The following F9 variants were observed in gnomAD, a reference collection of about 807,000 sequenced individuals.
F9 encodes Christmas factor.
A neutral mutation model predicts 34.1 loss-of-function variants in F9; 2 were observed. The observed-to-expected ratio is 0.06, with a 90% CI of 0.02 to 0.18. F9 has a LOEUF of 0.18. Ranked by LOEUF, F9 falls within the 10% of genes least tolerant of loss-of-function variation. F9 has a pLI of 1.00. For missense variants in F9, 216 were observed against 345.1 expected (o/e 0.63, Z 2.96); for synonymous variants, 137 against 118.8 (o/e 1.15, Z -1.00).
chrX:139,545,651 G>A (rs929889720), intron 4 of F9, among the ~76,000 whole-genome samples: 2 of 111,503 alleles, frequency 1.8e-5, no homozygotes, highest in African/African-American at 6.5e-5. Flanking sequence ...AAAGAAACTA[G>A]CAAAGCAATC....
rs139089559 is a variant in F9, at chrX:139,537,098, C to A, written c.177C>A (p.Asn59Lys). The A allele has an allele frequency of 2.0e-5, 24 of 1,208,922 alleles. No individual in the cohort carries two copies. The highest frequency in any genetic ancestry group is 8.7e-5 in the African/African-American group (5 of 57,173). The change falls in exon 2 of 8, where the codon AAC (asparagine) becomes AAA (lysine). Residue 59 changes from asparagine (N) to lysine (K), a missense_variant. Physicochemically the swap from Asn to Lys is moderately conservative, Grantham distance 94. Coordinates refer to ENST00000218099, the MANE Select transcript of F9 (RefSeq NM_000133.4). ...SGKLEEFVQG[N>K]LERECMEEKC... is the part of the protein sequence containing the mutation. The stretch of plus-strand genomic sequence containing the variant: ...AATTGGAAGAGTTTGTTCAAGGGAA[C>A]CTTGAGAGAGAATGTATGGAAGAAA...
chrX:139,536,340 A>G (rs1927476037), intron 1 of F9, among the ~76,000 whole-genome samples: 1 of 104,276 alleles, frequency 9.6e-6, no homozygotes, highest in Non-Finnish European at 2.0e-5. Flanking sequence ...AAGGAGAAAT[A>G]TGATTCAGAT....
At chrX:139,556,183 G>T (rs1927964505) in intron 6 of F9, among the ~76,000 whole-genome samples, 2 of 111,344 alleles carry the variant, frequency 1.8e-5, no homozygotes, top group Admixed American at 1.9e-4. Flanking sequence ...TAAAAAAAAA[G>T]AATACAATGG....
chrX:139,549,704 A>T lies in F9; in HGVS notation c.520+1213A>T, dbSNP rs187310547. ...GGTGGGCCAGGTGTTCCTTGCCCTC[A>T]TTCTGGTAAACCCACAACCTTCCAG... is the stretch of plus-strand genomic sequence containing the variant. On this transcript the variant is annotated intron_variant, in intron 5 of 7. Transcript: ENST00000218099. Among the ~76,000 whole-genome samples the T allele has an allele frequency of 4.0e-3, 450 of 112,375 alleles. 3 individuals carry two copies. Among genetic ancestry groups the T allele is most frequent in the Admixed American group, 8.1e-3 (86 of 10,598 alleles).
intron 1 of F9, among the ~76,000 whole-genome samples, chrX:139,535,735 A>G (rs969163443): frequency 9.0e-6 from 1 of 111,409 alleles, no homozygotes; most frequent in Non-Finnish European, 1.9e-5. Context: ...ACATATATGT[A>G]TATACATGAA....
intron 6 of F9, among the ~76,000 whole-genome samples, chrX:139,553,952 A>G (rs931968238): frequency 1.8e-5 from 2 of 109,858 alleles, no homozygotes; most frequent in Admixed American, 1.9e-4. Context: ...AAAGGGGAAC[A>G]GGGTATAAAG....
chrX:139,546,985 C>T (rs1001593179), intron 4 of F9, among the ~76,000 whole-genome samples: 4 of 111,285 alleles, frequency 3.6e-5, no homozygotes, highest in Non-Finnish European at 7.6e-5. Context: ...TATGGAAATG[C>T]AAAGAGCCAA....
chrX:139,555,596 G>A (rs1418573922), intron 6 of F9, among the ~76,000 whole-genome samples: 1 of 112,733 alleles, frequency 8.9e-6, no homozygotes, highest in Non-Finnish European at 1.9e-5. Context: ...TGAGGCCAAT[G>A]GAAGGAGGTA....
At chrX:139,552,055 G>T (rs745751857) in intron 6 of F9, among the ~76,000 whole-genome samples, 1 of 111,138 alleles carries the variant, frequency 9.0e-6, no homozygotes, top group Non-Finnish European at 1.9e-5. Context: ...TTAGCTAGGT[G>T]TGATGGCTCC....
chrX:139,548,261 G>T, intron 4 of F9, 102 bp from the exon 5 acceptor site: 1 of 906,006 alleles, frequency 1.1e-6, no homozygotes. Flanking sequence ...CAACATGAAT[G>T]CCCCCAATGT....
chrX:139,556,466 T>C (rs1006229478), intron 6 of F9, among the ~76,000 whole-genome samples: 3 of 112,026 alleles, frequency 2.7e-5, no homozygotes, highest in African/African-American at 9.7e-5. Context: ...TCTGTTCGAT[T>C]AGGACACATC....
intron 6 of F9, among the ~76,000 whole-genome samples, chrX:139,560,521 C>G (rs1201880401): frequency 8.9e-6 from 1 of 112,178 alleles, no homozygotes; most frequent in Non-Finnish European, 1.9e-5. Context: ...GCTTCCCTGT[C>G]TCTCATTGTG....
intron 3 of F9, among the ~76,000 whole-genome samples, chrX:139,537,832 G>A (rs4149682): frequency 0.014 from 1,566 of 110,159 alleles, 26 homozygotes; most frequent in African/African-American, 0.05. Flanking sequence ...TTCTCTCCTC[G>A]CACACTGGGC....
intron 6 of F9, among the ~76,000 whole-genome samples, chrX:139,554,504 A>C (rs1349674738): frequency 3.6e-5 from 4 of 112,571 alleles, no homozygotes; most frequent in African/African-American, 1.3e-4. Flanking sequence ...AATATGAGAT[A>C]AATTGAGTGT....
rs1747870572 is a variant in F9 at position 139,548,439 on chromosome X, C to T, written c.468C>T (p.Ser156=). 1 of 1,208,692 alleles carries T rather than the reference C, an allele frequency of 8.3e-7. No homozygotes were observed. Among genetic ancestry groups the T allele is most frequent in the Non-Finnish European group, 1.1e-6 (1 of 894,303 alleles). Residue 156 remains serine, a synonymous_variant, in exon 5 of 8, where the codon TCC becomes TCT. Transcript: ENST00000218099. Reference sequence around the variant, plus strand: ...GTGCTGATAACAAGGTGGTTTGCTCCTGTACTGAGGGATATCGACTTGCAG... The same window carrying T: ...GTGCTGATAACAAGGTGGTTTGCTCTTGTACTGAGGGATATCGACTTGCAG... ...KNSADNKVVC[S]CTEGYRLAEN... is the part of the protein sequence containing the mutation.
At chrX:139,537,275 T>C (rs1406233703) in intron 2 of F9, 87 bp from the exon 3 acceptor site, 6 of 1,096,818 alleles carry the variant, frequency 5.5e-6, no homozygotes, top group East Asian at 6.1e-5. Flanking sequence ...TATATATTTA[T>C]GTATGTTAAA....
intron 4 of F9, among the ~76,000 whole-genome samples, chrX:139,546,537 TG>T (rs781251782): frequency 1.3e-4 from 14 of 111,742 alleles, no homozygotes; most frequent in Non-Finnish European, 1.1e-4. Flanking sequence ...TTGTGTTCAC[TG>T]AAAAAAATAA....
intron 6 of F9, among the ~76,000 whole-genome samples, chrX:139,556,243 G>A (rs769715633): frequency 8.9e-6 from 1 of 112,211 alleles, no homozygotes; most frequent in South Asian, 3.7e-4. Flanking sequence ...TGTAGCATAT[G>A]CATTTACCGA....
chrX:139,531,201 T>A (rs1281862150), intron 1 of F9, among the ~76,000 whole-genome samples: 2 of 111,190 alleles, frequency 1.8e-5, no homozygotes, highest in Non-Finnish European at 3.8e-5. Flanking sequence ...TGAAAAAAAA[T>A]AACCACATTA....
Sources: allele counts gnomAD v4.1 joint callset (sites outside exome capture counted in the v4.1 genomes callset), GRCh38; gene constraint gnomAD v4.1.1; transcripts MANE v1.5; gene names NCBI Gene and HGNC (gene_info 2026-07-23, HGNC 2026-07-21).